KLHDC4: variants seen among roughly 807,000 people sequenced by gnomAD.
KLHDC4 encodes kelch domain-containing protein 4.
A neutral mutation model predicts 62.4 loss-of-function variants in KLHDC4; 90 were observed. That is an observed-to-expected ratio of 1.44 (90% CI 1.22 to 1.72). The LOEUF is 1.72. KLHDC4 is among the 40% of genes most tolerant of loss of function. The pLI is 0.00. For synonymous variants in KLHDC4, 386 were observed against 284.4 expected (o/e 1.36, Z -3.59); for missense variants, 1,025 against 699.7 (o/e 1.47, Z -5.25).
intron 5 of KLHDC4, among the ~76,000 whole-genome samples, chr16:87,733,181 G>A (rs2040696866): frequency 6.6e-6 from 1 of 152,202 alleles, no homozygotes; most frequent in Non-Finnish European, 1.5e-5. Context: ...AAAGGCAGGT[G>A]CAAAGCAAAT....
chr16:87,743,274 C>T (rs2042516681), intron 5 of KLHDC4, among the ~76,000 whole-genome samples: 1 of 152,054 alleles, frequency 6.6e-6, no homozygotes, highest in Non-Finnish European at 1.5e-5. Flanking sequence ...TAGCTAACTT[C>T]TTTAGAGATG....
intron 5 of KLHDC4, among the ~76,000 whole-genome samples, chr16:87,744,582 G>GAA (rs1156452641): frequency 1.4e-5 from 1 of 73,584 alleles, no homozygotes. Context: ...GACTGTCTCA[G>GAA]AAAAAAAAAA....
chr16:87,756,927 C>G (rs1438850311), intron 2 of KLHDC4, among the ~76,000 whole-genome samples: 1 of 151,998 alleles, frequency 6.6e-6, no homozygotes, highest in Admixed American at 6.6e-5. Context: ...AATTCTCCTG[C>G]CTCAGCCCTC....
At chr16:87,746,913 G>C (rs950012058) in intron 5 of KLHDC4, among the ~76,000 whole-genome samples, 1 of 152,234 alleles carries the variant, frequency 6.6e-6, no homozygotes, top group Non-Finnish European at 1.5e-5. Flanking sequence ...AGACAATCCA[G>C]ACCCAGGGCA....
At chr16:87,703,449 G>A (rs576691711), downstream of KLHDC4, 3 of 152,646 alleles carry the variant, frequency 2.0e-5, no homozygotes, top group Admixed American at 2.0e-4. Context: ...GTGAATGGAG[G>A]ACACAAAAAT....
intron 3 of KLHDC4, 49 bp from the exon 4 acceptor site, chr16:87,755,341 G>C: frequency 1.0e-6 from 1 of 993,338 alleles, no homozygotes; most frequent in East Asian, 2.4e-5. Context: ...ACGCTTCCAA[G>C]GAAGTGGTGA....
intron 3 of KLHDC4, 96 bp from the exon 4 acceptor site, chr16:87,755,388 A>G (rs901050695): frequency 1.3e-5 from 9 of 702,840 alleles, no homozygotes; most frequent in Non-Finnish European, 2.0e-5. Context: ...TGGGAAACTG[A>G]CATGCTAAAG....
At chr16:87,738,377 AC>A (rs1386090174) in intron 5 of KLHDC4, among the ~76,000 whole-genome samples, 1 of 151,084 alleles carries the variant, frequency 6.6e-6, no homozygotes, top group African/African-American at 2.5e-5. Context: ...ACACACACAC[AC>A]ATCTATATCT....
At chr16:87,746,986 C>T (rs879656613) in intron 5 of KLHDC4, among the ~76,000 whole-genome samples, 5 of 152,224 alleles carry the variant, frequency 3.3e-5, no homozygotes, top group African/African-American at 4.8e-5. Flanking sequence ...GAGCTGCACA[C>T]GAGGTAGGGG....
Position 87,709,565 on chromosome 16 carries a change from G to A in KLHDC4, c.1147C>T (p.Gln383Ter). Residue 383 changes from glutamine to a stop codon, truncating the protein, a stop_gained, in exon 10 of 12, where the codon CAG (glutamine) becomes TAG (stop). Transcript: ENST00000270583. LOFTEE classifies it high-confidence loss of function. ...CGGAGTQGPV[Q>*]LVKEVVAEDG... ...TCGGCCACCACCTCCTTGACCAGCT[G>A]CACAGGCCCCTGGGTGCCAGCTCCC... The A allele has an allele frequency of 6.2e-7, 1 of 1,612,888 alleles. No homozygotes were observed. Among genetic ancestry groups the A allele is most frequent in the Non-Finnish European group, 8.5e-7 (1 of 1,179,950 alleles).
At chr16:87,724,501 C>A (rs1463043229) in intron 7 of KLHDC4, among the ~76,000 whole-genome samples, 1 of 152,158 alleles carries the variant, frequency 6.6e-6, no homozygotes, top group Non-Finnish European at 1.5e-5. Context: ...TCACCTTCTG[C>A]AACTCACTAA....
At position 87,726,777 on chromosome 16, in the gene KLHDC4, G is replaced by C; in HGVS notation, c.747C>G (p.Gly249=). ...CCCCCCGCCTTACCTGTTTCGAGTA[G>C]CCCCCATAGACGACGATGCCGCCCT... The part of the protein sequence containing the change: ...TPQGGIVVYG[G]YSKQRVKKDV... The change falls in exon 7 of 12, where the codon GGC becomes GGG. Residue 249 remains glycine (G), a synonymous_variant. Coordinates refer to ENST00000270583, the MANE Select transcript of KLHDC4 (RefSeq NM_017566.4). 1 of 1,567,380 alleles carries C rather than the reference G, an allele frequency of 6.4e-7. No individual in the cohort carries two copies.
At chr16:87,725,239 G>A (rs2039140407) in intron 7 of KLHDC4, among the ~76,000 whole-genome samples, 2 of 152,296 alleles carry the variant, frequency 1.3e-5, no homozygotes, top group East Asian at 1.9e-4. Flanking sequence ...GTCACACGGT[G>A]CCCGCACTTG....
chr16:87,749,179 T>C (rs2043504884), intron 4 of KLHDC4, among the ~76,000 whole-genome samples: 1 of 151,998 alleles, frequency 6.6e-6, no homozygotes, highest in Admixed American at 6.6e-5. Flanking sequence ...ACAATAAAGC[T>C]GTCTGCCTGC....
At chr16:87,736,356 C>G (rs979789249) in intron 5 of KLHDC4, among the ~76,000 whole-genome samples, 3 of 152,194 alleles carry the variant, frequency 2.0e-5, no homozygotes, top group Admixed American at 2.0e-4. Flanking sequence ...ACAGAAACAT[C>G]GTGAGGCAGC....
At chr16:87,748,215 G>A (rs567827731) in intron 5 of KLHDC4, among the ~76,000 whole-genome samples, 1 of 152,200 alleles carries the variant, frequency 6.6e-6, no homozygotes, top group African/African-American at 2.4e-5. Context: ...GCTGAGCAGG[G>A]TTCACTGAAG....
Position 87,765,975 on chromosome 16 carries a change from A to G in KLHDC4, c.-85T>C. 7.4e-7 allele frequency: 1 copy of G among 1,350,734 alleles called. No homozygotes were observed. The highest frequency in any genetic ancestry group is 1.0e-6 in the Non-Finnish European group (1 of 975,746). The allele number at this position is 1,350,734 out of a possible 1,614,324, so 83.7% of individuals were successfully genotyped here. On this transcript the variant is annotated 5_prime_UTR_variant, in exon 1 of 12. Transcript: ENST00000270583. ...TCGGAAACAGGTGCTCGTGGGGCGGAGCTCGGCGCACAGAAATGGAGTCAC... is the reference window on the plus strand; with the variant it reads ...TCGGAAACAGGTGCTCGTGGGGCGGGGCTCGGCGCACAGAAATGGAGTCAC...
At chr16:87,743,795 T>C (rs775527082) in intron 5 of KLHDC4, among the ~76,000 whole-genome samples, 2 of 151,404 alleles carry the variant, frequency 1.3e-5, no homozygotes, top group African/African-American at 2.4e-5. Flanking sequence ...CTTCCCAGGG[T>C]GTTTAGAGGT....
intron 5 of KLHDC4, among the ~76,000 whole-genome samples, chr16:87,744,274 G>A (rs951220405): frequency 1.3e-5 from 2 of 152,160 alleles, no homozygotes; most frequent in African/African-American, 2.4e-5. Flanking sequence ...AATTAGCCGG[G>A]CATGGTGGCG....
Sources: allele counts gnomAD v4.1 joint callset (sites outside exome capture counted in the v4.1 genomes callset), GRCh38; gene constraint gnomAD v4.1.1; transcripts MANE v1.5; gene names NCBI Gene and HGNC (gene_info 2026-07-23, HGNC 2026-07-21).